The following IFT74 variants were observed in gnomAD, a reference collection of about 807,000 sequenced individuals.
The protein encoded by IFT74 is intraflagellar transport 74.
In IFT74, 92 loss-of-function variants were observed where a neutral mutation model predicts 96.7. That is an observed-to-expected ratio of 0.95 (90% confidence interval 0.80 to 1.13). The LOEUF (loss-of-function observed/expected upper bound fraction) is 1.13, where lower values mean the gene tolerates loss of function less well. Ranked by LOEUF, IFT74 falls within the 50% of genes most tolerant of loss-of-function variation. IFT74 has a pLI of 0.00. For synonymous variants in IFT74, 223 were observed against 213.2 expected, an observed-to-expected ratio of 1.05 and a Z score of -0.40; for missense variants, 811 against 698.2, an observed-to-expected ratio of 1.16 and a Z score of -1.82.
rs201664153 is a variant in IFT74, at chr9:27,038,272, G to GT, written c.1055-6462dup. ...GGAATATGGTTTTGTTTTTGTTTTT[G>GT]TTTTTTTTGAGTTAGAGTCTCACTC... On this transcript the variant is annotated intron_variant, in intron 13 of 19. Transcript: ENST00000380062. Among the ~76,000 whole-genome samples, 496 of 151,680 alleles carry GT rather than the reference G, an allele frequency of 3.3e-3. 1 individual carries two copies. The highest frequency in any genetic ancestry group is 0.011 in the African/African-American group (437 of 41,392).
intron 8 of IFT74, chr9:26,996,249 C>T (rs1440464520): frequency 1.1e-6 from 1 of 930,920 alleles, no homozygotes; most frequent in African/African-American, 1.7e-5. Context: ...ATAAAGATAA[C>T]TACCTCAGTT....
chr9:26,997,729 T>G, intron 8 of IFT74: 1 of 1,589,522 alleles, frequency 6.3e-7, no homozygotes, highest in South Asian at 1.2e-5. Flanking sequence ...ATAGCTTACC[T>G]AATGTCACAT....
rs1275271358 is a variant in IFT74 at position 27,064,603 on chromosome 9, C to T, written c.*1867C>T. Among the ~76,000 whole-genome samples the T allele has an allele frequency of 3.3e-5, 5 of 152,084 alleles. No individual in the cohort carries two copies. The highest frequency in any genetic ancestry group is 1.3e-4 in the Admixed American group (2 of 15,264). On this transcript the variant is annotated 3_prime_UTR_variant, in exon 20 of 20. Transcript: ENST00000380062. ...CATAGAGTTTAGGCAAGAGAACTGA[C>T]TACTATGGTCTCTTAATCACATTGA...
intron 13 of IFT74, among the ~76,000 whole-genome samples, chr9:27,031,267 A>G (rs1013154609): frequency 5.3e-5 from 8 of 152,110 alleles, no homozygotes; most frequent in Admixed American, 5.2e-4. Flanking sequence ...TCACCAGGTC[A>G]GGAGATCGAG....
intron 18 of IFT74, among the ~76,000 whole-genome samples, chr9:27,057,614 T>C (rs943592373): frequency 6.6e-6 from 1 of 152,054 alleles, no homozygotes; most frequent in African/African-American, 2.4e-5. Context: ...TCCCAGCACT[T>C]TGGGAGGCTG....
intron 16 of IFT74, among the ~76,000 whole-genome samples, chr9:27,053,159 G>T (rs1473485506): frequency 2.2e-5 from 3 of 136,060 alleles, no homozygotes; most frequent in Admixed American, 7.8e-5. Flanking sequence ...ACCGCGCCTG[G>T]CCTTTTTTTT....
At chr9:27,055,385 C>T (rs1360957689) in intron 16 of IFT74, among the ~76,000 whole-genome samples, 1 of 152,068 alleles carries the variant, frequency 6.6e-6, no homozygotes, top group Non-Finnish European at 1.5e-5. Context: ...GGCTAATAGA[C>T]ATCAGGTTAC....
chr9:27,028,042 AT>A (rs1283937615), intron 12 of IFT74, among the ~76,000 whole-genome samples: 1 of 152,152 alleles, frequency 6.6e-6, no homozygotes, highest in African/African-American at 2.4e-5. Flanking sequence ...AGCACCATTT[AT>A]TGAAAATACT....
chr9:26,988,586 C>T, intron 6 of IFT74, 83 bp from the exon 7 acceptor site: 2 of 1,233,352 alleles, frequency 1.6e-6, no homozygotes, highest in Non-Finnish European at 2.2e-6. Context: ...ATTTGTAAGA[C>T]TGAATACCTA....
At chr9:27,005,752 A>G (rs1474009030) in intron 8 of IFT74, 2 of 151,930 alleles carry the variant, frequency 1.3e-5, no homozygotes, top group Non-Finnish European at 2.9e-5. Context: ...CCTTAGCAAA[A>G]GATTGACTAG....
intron 2 of IFT74, among the ~76,000 whole-genome samples, chr9:26,972,215 A>G (rs1358996547): frequency 6.6e-6 from 1 of 152,130 alleles, no homozygotes; most frequent in East Asian, 1.9e-4. Context: ...TTTTAACAGA[A>G]TGGTCTTATA....
chr9:27,036,249 T>A (rs549642615), intron 13 of IFT74, among the ~76,000 whole-genome samples: 2 of 152,180 alleles, frequency 1.3e-5, no homozygotes, highest in East Asian at 3.9e-4. Context: ...CAGAAGAAAA[T>A]CTGCATGTAA....
rs2131723304 is a variant in IFT74, at chr9:27,064,665, C to T, written c.*1929C>T. Among the ~76,000 whole-genome samples, 1 of 152,222 alleles carries T rather than the reference C, an allele frequency of 6.6e-6. No homozygotes were observed. On this transcript the variant is annotated 3_prime_UTR_variant, in exon 20 of 20. Coordinates refer to ENST00000380062, the MANE Select transcript of IFT74 (RefSeq NM_025103.4). ...GGATACTTCCAAGGAGGAAGGGAATCTGGAAAACATGTTTGTGGATAGGTA... is the reference window on the plus strand; with the variant it reads ...GGATACTTCCAAGGAGGAAGGGAATTTGGAAAACATGTTTGTGGATAGGTA...
At chr9:26,992,679 C>T (rs62542666) in intron 8 of IFT74, among the ~76,000 whole-genome samples, 8,221 of 150,628 alleles carry the variant, frequency 0.055, 311 homozygotes, top group Middle Eastern at 0.16. Context: ...GGTGACAGGG[C>T]GAGACTTTGT....
intron 2 of IFT74, among the ~76,000 whole-genome samples, chr9:26,973,891 A>G (rs141607353): frequency 9.7e-4 from 148 of 152,342 alleles, no homozygotes; most frequent in Non-Finnish European, 1.9e-3. Flanking sequence ...TAAAAGAGAC[A>G]GAGACCCTGA....
rs71841244 is a variant in IFT74, at chr9:26,948,448, A to ATTTTTTTTTT, written c.-20+1333_-20+1342dup. ...TGACAACCTGTGATGGCTTTCCATT[A>ATTTTTTTTTT]TTTTTTTTTTTTTTTTTTTTTTTTT... On this transcript the variant is annotated intron_variant, in intron 1 of 19. Transcript: ENST00000433700. Among the ~76,000 whole-genome samples the ATTTTTTTTTT allele has an allele frequency of 4.0e-3, 237 of 59,130 alleles. 52 individuals are homozygous for ATTTTTTTTTT. The highest frequency in any genetic ancestry group is 7.5e-3 in the Non-Finnish European group (196 of 26,062). The allele number at this position is 59,130 out of a possible 152,430, so 38.8% of individuals were successfully genotyped here. A position where few individuals can be genotyped will look rare whatever the true frequency, so the allele number is the denominator to read the frequency against.
Position 26,984,434 on chromosome 9 carries a change from A to G in IFT74, c.405-65A>G, listed in dbSNP as rs554094985. 55 of 1,584,338 alleles carry G rather than the reference A, an allele frequency of 3.5e-5. No individual in the cohort carries two copies. The East Asian group carries it at 1.0e-3, about 30-fold the overall frequency. The stretch of plus-strand genomic sequence containing the variant: ...TTTGTAGCTATCCATATTGTTTGTA[A>G]TGTTCATTTTCTTATGTATATTTTT... On this transcript the variant is annotated intron_variant, in intron 5 of 19. Coordinates refer to ENST00000380062, the MANE Select transcript of IFT74 (RefSeq NM_025103.4).
chr9:27,041,973 C>T (rs2131674893), intron 13 of IFT74, among the ~76,000 whole-genome samples: 1 of 152,264 alleles, frequency 6.6e-6, no homozygotes, highest in South Asian at 2.1e-4. Context: ...CCAGTTACAT[C>T]TTCCAGCTCA....
chr9:26,973,724 C>G (rs916764923), intron 2 of IFT74, among the ~76,000 whole-genome samples: 5 of 152,086 alleles, frequency 3.3e-5, no homozygotes, highest in African/African-American at 1.2e-4. Flanking sequence ...AATCCTTCTC[C>G]TTCTCCTTTT....
Sources: gnomAD v4.1 joint callset for allele counts (sites outside exome capture counted in the v4.1 genomes callset) on GRCh38, gnomAD v4.1.1 for gene constraint, MANE v1.5 for transcripts, NCBI Gene and HGNC (gene_info 2026-07-23, HGNC 2026-07-21) for gene names.